TASOR2: variants seen among roughly 807,000 people sequenced by gnomAD.
The protein encoded by TASOR2 is transcription activation suppressor family member 2, also known as protein TASOR 2.
In TASOR2, 84 loss-of-function variants were observed where a neutral mutation model predicts 199.5. The observed-to-expected ratio is 0.42, with a 90% CI of 0.35 to 0.50. The LOEUF is 0.50. TASOR2 is among the 20% of genes least tolerant of loss of function. The probability of loss-of-function intolerance (pLI) is 0.02; values close to 1 mark genes in which losing one functional copy is unlikely to be tolerated. For missense variants in TASOR2, 2,796 were observed against 2,835.9 expected (o/e 0.99, Z 0.32); for synonymous variants, 1,103 against 1,046.6 (o/e 1.05, Z -1.04).
At chr10:5,761,466 T>C in exon 19 of TASOR2, 1 of 1,610,786 alleles carries the variant, frequency 6.2e-7, no homozygotes, top group Non-Finnish European at 8.5e-7. Context: ...GCTGTCCTCC[T>C]AACAGGTAAT....
Position 5,748,893 on chromosome 10 carries a change from T to C in TASOR2, c.5472T>C (p.Tyr1824=). The C allele has an allele frequency of 6.2e-7, 1 of 1,614,188 alleles. No homozygotes were observed. The change falls in exon 15 of 21, where the codon TAT becomes TAC. Residue 1824 remains tyrosine, a synonymous_variant. Transcript: ENST00000328090. The surrounding 1 kb of genome is among the most constrained non-coding windows in gnomAD (Gnocchi z 5.1). The stretch of plus-strand genomic sequence containing the variant: ...TCGGTGTGAATTCCGACATGCACTA[T>C]GAACTCTCTGGAGATTCTGATCTAG...
In TASOR2 at chr10:5,690,597, T is replaced by C. The variant is rs569951071; in HGVS notation, c.-288+5422T>C. On this transcript the variant is annotated intron_variant, in intron 1 of 20. Transcript: ENST00000328090. The surrounding 1 kb of genome is among the most constrained non-coding windows in gnomAD (Gnocchi z 4.8). ...CTGGCATAAATCAGATGTCACGTTC[T>C]CTTTTGCCATATGTAATAATCAAGA... is the stretch of plus-strand genomic sequence containing the variant. 1.3e-5 allele frequency among the ~76,000 whole-genome samples: 2 copies of C among 152,364 alleles called. No individual in the cohort carries two copies. The highest frequency in any genetic ancestry group is 4.1e-4 in the South Asian group (2 of 4,830).
chr10:5,761,275 A>T lies in TASOR2; in HGVS notation c.6993-15A>T. The T allele has an allele frequency of 6.2e-7, 1 of 1,604,046 alleles. No individual in the cohort carries two copies. Among genetic ancestry groups the T allele is most frequent in the Non-Finnish European group, 8.5e-7 (1 of 1,174,566 alleles). On this transcript the variant is annotated splice_polypyrimidine_tract_variant and intron_variant, in intron 18 of 20. Transcript: ENST00000328090. ...AACTGAAAAATATTTTAATATGCCT[A>T]TGTATCTTTCACAGAGTGGATTCAA...
At chr10:5,747,600 T>C (rs1837397157) in exon 15 of TASOR2, 2 of 1,614,066 alleles carry the variant, frequency 1.2e-6, no homozygotes, top group African/African-American at 2.7e-5. Flanking sequence ...TTCCCTTTGA[T>C]TCTGTAATTG....
chr10:5,722,939 C>T lies in TASOR2; in HGVS notation c.147-738C>T, dbSNP rs1481122579. Among the ~76,000 whole-genome samples, 1 of 148,824 alleles carries T rather than the reference C, an allele frequency of 6.7e-6. No individual in the cohort carries two copies. The highest frequency in any genetic ancestry group is 2.5e-5 in the African/African-American group (1 of 40,310). Reference sequence around the variant, plus strand: ...AGGGTAATCACTTGAACCCGGGAGTCAGAGGTTGCAGTGAGCTGAGATCGC... The same window carrying T: ...AGGGTAATCACTTGAACCCGGGAGTTAGAGGTTGCAGTGAGCTGAGATCGC... On this transcript the variant is annotated intron_variant, in intron 6 of 20. Transcript: ENST00000328090. The surrounding 1 kb of genome is among the most constrained non-coding windows in gnomAD (Gnocchi z 4.0).
At chr10:5,746,530 A>G (rs1340484653) in exon 15 of TASOR2, 3 of 1,614,102 alleles carry the variant, frequency 1.9e-6, no homozygotes, top group African/African-American at 2.7e-5. Flanking sequence ...TTCCTTGGAA[A>G]GAAAGGATGA....
Position 5,735,688 on chromosome 10 carries a change from A to G in TASOR2, c.1447+142A>G, listed in dbSNP as rs1705342704. 4 of 1,051,308 alleles carry G rather than the reference A, an allele frequency of 3.8e-6. No individual in the cohort carries two copies. In the Admixed American group the frequency reaches 1.3e-4, roughly 35 times the overall value. 65.1% of individuals were successfully genotyped at this position (1,051,308 alleles called of 1,614,324 possible). ...GTTTTTCAGTTCAGACATTAAAAAA[A>G]CTAAGTAAACTGGTTTCCTAATGTA... is the stretch of plus-strand genomic sequence containing the variant. On this transcript the variant is annotated intron_variant, in intron 12 of 20. Transcript: ENST00000328090.
chr10:5,758,168 C>T (rs963870424), intron 17 of TASOR2, among the ~76,000 whole-genome samples: 4 of 152,192 alleles, frequency 2.6e-5, no homozygotes, highest in Non-Finnish European at 4.4e-5. Flanking sequence ...AAAACCTGCC[C>T]CGGCTCTGAT....
chr10:5,696,097 G>T (rs553870117), intron 1 of TASOR2, among the ~76,000 whole-genome samples: 1 of 152,156 alleles, frequency 6.6e-6, no homozygotes, highest in Non-Finnish European at 1.5e-5. Flanking sequence ...TGAAAATGAG[G>T]ATTGAGTGAA....
At chr10:5,757,588 T>C (rs1411452302) in exon 17 of TASOR2, 2 of 1,613,604 alleles carry the variant, frequency 1.2e-6, no homozygotes, top group East Asian at 2.2e-5. Flanking sequence ...GCCCTGGAGA[T>C]GTTCTTGATC....
At chr10:5,736,230 C>T (rs1835558637) in intron 12 of TASOR2, among the ~76,000 whole-genome samples, 1 of 152,042 alleles carries the variant, frequency 6.6e-6, no homozygotes, top group Non-Finnish European at 1.5e-5. Flanking sequence ...ACCAGCCTGA[C>T]CAACATGGAG....
At chr10:5,731,761 T>A (rs1181246810) in intron 11 of TASOR2, among the ~76,000 whole-genome samples, 1 of 152,216 alleles carries the variant, frequency 6.6e-6, no homozygotes, top group Admixed American at 6.5e-5. Context: ...GTTCCACATG[T>A]AAAACCACCC....
chr10:5,746,908 T>C, exon 15 of TASOR2: 2 of 1,614,202 alleles, frequency 1.2e-6, no homozygotes, highest in South Asian at 2.2e-5. Context: ...GGAGGCACTA[T>C]CATTAGCTAA....
intron 18 of TASOR2, among the ~76,000 whole-genome samples, chr10:5,760,476 T>C (rs915644374): frequency 3.3e-5 from 5 of 152,214 alleles, no homozygotes; most frequent in Non-Finnish European, 7.3e-5. Flanking sequence ...TGGTTATCAG[T>C]CATTGCAAAA....
exon 12 of TASOR2, chr10:5,735,498 ATAG>A: frequency 6.2e-7 from 1 of 1,614,192 alleles, no homozygotes; most frequent in Non-Finnish European, 8.5e-7. Flanking sequence ...GAGAGTAAAT[ATAG>A]TAAAAGGCAA....
At chr10:5,763,112 A>T in exon 21 of TASOR2, 36 of 1,304,286 alleles carry the variant, frequency 2.8e-5, no homozygotes, top group Non-Finnish European at 3.5e-5. Context: ...TGAACATGTG[A>T]ATACACATGT....
At chr10:5,709,829 G>A (rs1175032290) in intron 1 of TASOR2, among the ~76,000 whole-genome samples, 2 of 152,036 alleles carry the variant, frequency 1.3e-5, no homozygotes, top group Non-Finnish European at 2.9e-5. Flanking sequence ...AAAGTAATAG[G>A]TGATTAACTT....
chr10:5,709,677 T>C, intron 1 of TASOR2: 1 of 1,229,828 alleles, frequency 8.1e-7, no homozygotes, highest in Non-Finnish European at 1.0e-6. Flanking sequence ...GGTATTAAAC[T>C]AAGTGCTATA....
intron 19 of TASOR2, chr10:5,761,878 A>T (rs1199196135): frequency 1.3e-5 from 2 of 153,928 alleles, no homozygotes; most frequent in Non-Finnish European, 2.9e-5. Context: ...TACTAAAAAT[A>T]CAAAAATTAG....
Sources: allele counts gnomAD v4.1 joint callset (sites outside exome capture counted in the v4.1 genomes callset), GRCh38; gene constraint gnomAD v4.1.1; non-coding constraint Gnocchi (gnomAD v3.1); transcripts MANE v1.5; gene names NCBI Gene and HGNC (gene_info 2026-07-23, HGNC 2026-07-21).